Variants in KYNU observed in about 807,000 individuals in gnomAD.
The protein encoded by KYNU is kynureninase.
In KYNU, 54 loss-of-function variants were observed where a neutral mutation model predicts 59.2. The ratio of observed to expected loss-of-function variants is 0.91; its 90% confidence interval spans 0.73 to 1.14. KYNU has a LOEUF of 1.14. Ranked by LOEUF, KYNU falls within the 50% of genes most tolerant of loss-of-function variation. The pLI is 0.00. For missense variants in KYNU, 567 were observed against 554.4 expected (o/e 1.02, Z -0.23); for synonymous variants, 177 against 192.0 (o/e 0.92, Z 0.65).
intron 2 of KYNU, among the ~76,000 whole-genome samples, chr2:142,891,647 G>A (rs932579551): frequency 2.6e-5 from 4 of 152,316 alleles, no homozygotes; most frequent in Non-Finnish European, 4.4e-5. Context: ...ACATAATAGA[G>A]AGCCTCTTAA....
Position 143,040,445 on chromosome 2 carries a change from A to G in KYNU, c.1059A>G (p.Thr353=), listed in dbSNP as rs747896548. ...TTCCACAGATCTTTAAGCAAGCGAC[A>G]ATGAAGGCATTGCGGAAAAAATCTG... ...HASLEIFKQA[T]MKALRKKSVL... The change falls in exon 13 of 14, where the codon ACA becomes ACG. Residue 353 remains threonine (T), a synonymous_variant. Coordinates refer to ENST00000264170, the MANE Select transcript of KYNU (RefSeq NM_003937.3). 1.2e-6 allele frequency: 2 copies of G among 1,612,282 alleles called. No homozygotes were observed. Among genetic ancestry groups the G allele is most frequent in the East Asian group, 4.5e-5 (2 of 44,858 alleles).
At chr2:142,974,175 C>T (rs752523855) in intron 8 of KYNU, among the ~76,000 whole-genome samples, 12 of 152,148 alleles carry the variant, frequency 7.9e-5, no homozygotes, top group Admixed American at 2.0e-4. Flanking sequence ...GAAATAAAAA[C>T]GGAATCACAG....
At chr2:143,021,486 G>A (rs999437859) in intron 10 of KYNU, among the ~76,000 whole-genome samples, 13 of 152,080 alleles carry the variant, frequency 8.5e-5, no homozygotes, top group East Asian at 1.9e-4. Context: ...CAATTGGCTC[G>A]TGGTTCTGCA....
At chr2:143,036,417 C>T (rs1196781113) in intron 12 of KYNU, among the ~76,000 whole-genome samples, 3 of 151,624 alleles carry the variant, frequency 2.0e-5, no homozygotes, top group East Asian at 1.9e-4. Flanking sequence ...TTTTAAAAGA[C>T]GTAAAGGTAG....
chr2:143,016,417 T>C (rs1198799367), intron 10 of KYNU, among the ~76,000 whole-genome samples: 1 of 152,240 alleles, frequency 6.6e-6, no homozygotes, highest in East Asian at 1.9e-4. Flanking sequence ...GTTGAGAATT[T>C]TCTCAGTGGA....
chr2:142,964,961 A>G (rs1398235383), intron 8 of KYNU, among the ~76,000 whole-genome samples: 3 of 152,080 alleles, frequency 2.0e-5, no homozygotes, highest in Non-Finnish European at 4.4e-5. Context: ...TCTTACTTCC[A>G]TGTTTCTATA....
chr2:142,934,370 T>G (rs1683318726), intron 4 of KYNU, among the ~76,000 whole-genome samples: 1 of 151,074 alleles, frequency 6.6e-6, no homozygotes, highest in African/African-American at 2.4e-5. Context: ...GTTGGAGGAG[T>G]AGAAGAAAGT....
intron 4 of KYNU, among the ~76,000 whole-genome samples, chr2:142,954,465 G>T (rs1249638798): frequency 6.6e-6 from 1 of 152,024 alleles, no homozygotes; most frequent in African/African-American, 2.4e-5. Flanking sequence ...TTCCTTTGAA[G>T]ATATACTTAG....
chr2:142,937,206 T>C (rs1336669488), intron 4 of KYNU, among the ~76,000 whole-genome samples: 1 of 152,140 alleles, frequency 6.6e-6, no homozygotes, highest in East Asian at 1.9e-4. Context: ...ACCCTGCTGA[T>C]ATATGTGGCC....
chr2:143,030,716 G>A (rs1686714605), intron 11 of KYNU, among the ~76,000 whole-genome samples: 2 of 151,874 alleles, frequency 1.3e-5, no homozygotes, highest in Non-Finnish European at 2.9e-5. Flanking sequence ...GCTGGCCTGA[G>A]ATAATATTTT....
At chr2:143,028,867 CAAA>C in intron 10 of KYNU, among the ~76,000 whole-genome samples, 1 of 151,602 alleles carries the variant, frequency 6.6e-6, no homozygotes, top group Non-Finnish European at 1.5e-5. Flanking sequence ...CAAAACAAAA[CAAA>C]ACAAAACAAA....
intron 10 of KYNU, among the ~76,000 whole-genome samples, chr2:143,007,274 A>G (rs1385689452): frequency 6.7e-6 from 1 of 149,662 alleles, no homozygotes; most frequent in Non-Finnish European, 1.5e-5. Context: ...AAGCCTCAGG[A>G]ACCGGTGCGA....
intron 3 of KYNU, among the ~76,000 whole-genome samples, chr2:142,921,625 T>C (rs76069228): frequency 0.067 from 10,154 of 152,054 alleles, 503 homozygotes; most frequent in South Asian, 0.092. Context: ...CTGGGCAACA[T>C]TGTGAGATCT....
At chr2:142,921,713 G>A (rs1263728122) in intron 3 of KYNU, among the ~76,000 whole-genome samples, 2 of 152,146 alleles carry the variant, frequency 1.3e-5, no homozygotes, top group African/African-American at 4.8e-5. Context: ...AGAGGCTGAG[G>A]TGAGAGGATC....
intron 2 of KYNU, among the ~76,000 whole-genome samples, chr2:142,894,026 T>C (rs1403987353): frequency 2.0e-5 from 3 of 152,154 alleles, no homozygotes; most frequent in Non-Finnish European, 4.4e-5. Flanking sequence ...GGGACAATGT[T>C]TGGTCTTTTC....
intron 1 of KYNU, 72 bp from the exon 2 acceptor site, chr2:142,885,277 G>A (rs1681463809): frequency 8.2e-7 from 1 of 1,225,276 alleles, no homozygotes; most frequent in Non-Finnish European, 1.2e-6. Flanking sequence ...AACAAAAGGT[G>A]TATTACCTAA....
At chr2:142,948,862 A>G (rs1683887533) in intron 4 of KYNU, among the ~76,000 whole-genome samples, 1 of 152,196 alleles carries the variant, frequency 6.6e-6, no homozygotes. Context: ...CATTAACTCA[A>G]AAGTCCACAG....
intron 2 of KYNU, among the ~76,000 whole-genome samples, chr2:142,903,807 G>A (rs755232550): frequency 2.0e-5 from 3 of 152,134 alleles, no homozygotes; most frequent in African/African-American, 4.8e-5. Context: ...TGGACGAGGG[G>A]GGTGGCTTAT....
chr2:142,944,893 A>AT (rs1244107888), intron 4 of KYNU, among the ~76,000 whole-genome samples: 2 of 152,266 alleles, frequency 1.3e-5, no homozygotes. Context: ...TAAACAGTAC[A>AT]TACAAAAGTT....
Sources: allele counts gnomAD v4.1 joint callset (sites outside exome capture counted in the v4.1 genomes callset), GRCh38; gene constraint gnomAD v4.1.1; transcripts MANE v1.5; gene names NCBI Gene and HGNC (gene_info 2026-07-23, HGNC 2026-07-21).